ASZ1: variants seen among roughly 807,000 people sequenced by gnomAD.
ASZ1 encodes ankyrin repeat, SAM and basic leucine zipper domain-containing protein 1.
ASZ1 carries 67 observed loss-of-function variants against 61.8 expected under a neutral mutation model. The ratio of observed to expected loss-of-function variants is 1.08; its 90% CI spans 0.89 to 1.33. ASZ1 has a LOEUF of 1.33. Ranked by LOEUF, ASZ1 falls within the 40% of genes most tolerant of loss-of-function variation. ASZ1 has a pLI of 0.00. For missense variants in ASZ1, 577 were observed against 554.5 expected, an observed-to-expected ratio of 1.04 and a Z score of -0.41; for synonymous variants, 193 against 192.7, an observed-to-expected ratio of 1.00 and a Z score of -0.01.
chr7:117,419,682 G>T (rs1483057816), intron 4 of ASZ1, among the ~76,000 whole-genome samples: 1 of 152,142 alleles, frequency 6.6e-6, no homozygotes, highest in Non-Finnish European at 1.5e-5. Context: ...TTTACTGCTT[G>T]TCTTCTATGC....
At chr7:117,419,550 CAA>C (rs903180860) in intron 4 of ASZ1, among the ~76,000 whole-genome samples, 1 of 151,940 alleles carries the variant, frequency 6.6e-6, no homozygotes, top group African/African-American at 2.4e-5. Context: ...AAATGAAACA[CAA>C]AGAGAGATTT....
In ASZ1 at chr7:117,426,921, T is replaced by C. The variant is rs1562864221; in HGVS notation, c.120A>G (p.Leu40=). The change falls in exon 2 of 13, where the codon CTA becomes CTG. Residue 40 remains leucine (L), a synonymous_variant. Transcript: ENST00000284629. The part of the protein sequence containing the change: ...LDRTSQKLKR[L]LPIEEKKEKF... ...TTTCTTTCTTTTCTTCAATGGGTAA[T>C]AGCCTTTTCAATTTCTAGAAAAGTA... The C allele has an allele frequency of 3.1e-6, 5 of 1,595,176 alleles. No homozygotes were observed. Among genetic ancestry groups the C allele is most frequent in the Middle Eastern group, 1.7e-4 (1 of 5,964 alleles).
chr7:117,400,661 G>T (rs1230046717), intron 4 of ASZ1, among the ~76,000 whole-genome samples: 2 of 152,142 alleles, frequency 1.3e-5, no homozygotes. Flanking sequence ...TCTTCTGTCG[G>T]ACTTCTGCCT....
intron 10 of ASZ1, among the ~76,000 whole-genome samples, chr7:117,375,117 T>C (rs962433832): frequency 5.9e-5 from 9 of 152,018 alleles, no homozygotes; most frequent in African/African-American, 2.2e-4. Flanking sequence ...ATTTCAAAAT[T>C]ATCTAGTTGG....
intron 4 of ASZ1, among the ~76,000 whole-genome samples, chr7:117,392,804 T>C (rs1192611906): frequency 6.6e-6 from 1 of 152,134 alleles, no homozygotes; most frequent in Admixed American, 6.5e-5. Context: ...TTACCAGTTC[T>C]ATTTTAATTA....
chr7:117,415,928 T>C (rs1436976260), intron 4 of ASZ1, among the ~76,000 whole-genome samples: 1 of 152,188 alleles, frequency 6.6e-6, no homozygotes, highest in Admixed American at 6.5e-5. Flanking sequence ...CAGTGACTCA[T>C]GCCTGTAATC....
chr7:117,427,435 A>T lies in ASZ1; in HGVS notation c.26T>A (p.Leu9Gln). ...ACTCTCGCCTCCGCCAGCCACTGGC[A>T]GGCCTCGCAGCGCGCTCGCCGCCAT... The part of the protein sequence containing the change: MAASALRG[L>Q]PVAGGGESSE... The change falls in exon 1 of 13, where the codon CTG becomes CAG. Residue 9 changes from leucine (L) to glutamine (Q), a missense_variant. Transcript: ENST00000284629. 1.2e-6 allele frequency: 2 copies of T among 1,614,016 alleles called. No individual in the cohort carries two copies. The highest frequency in any genetic ancestry group is 1.3e-5 in the African/African-American group (1 of 75,064).
chr7:117,385,551 A>G (rs1339177568), intron 5 of ASZ1, 147 bp downstream of exon 5: 2 of 683,652 alleles, frequency 2.9e-6, no homozygotes, highest in Non-Finnish European at 4.9e-6. Flanking sequence ...GTGAGTCACC[A>G]TACCCTTCTA....
At chr7:117,379,136 TATATATA>T (rs1562847616) in intron 10 of ASZ1, among the ~76,000 whole-genome samples, 8 of 88,502 alleles carry the variant, frequency 9.0e-5, no homozygotes, top group African/African-American at 2.2e-4. Context: ...GATAAAATTA[TATATATA>T]TATATATATA....
intron 4 of ASZ1, among the ~76,000 whole-genome samples, chr7:117,407,298 G>T (rs1796802726): frequency 6.6e-6 from 1 of 151,888 alleles, no homozygotes. Flanking sequence ...CATACAAAGG[G>T]GTACACTTCA....
At chr7:117,401,393 TTA>T (rs538836345) in intron 4 of ASZ1, among the ~76,000 whole-genome samples, 4 of 136,082 alleles carry the variant, frequency 2.9e-5, no homozygotes, top group African/African-American at 1.1e-4. Context: ...TTTTTTTTTT[TTA>T]AAAAAAAAGA....
intron 4 of ASZ1, among the ~76,000 whole-genome samples, chr7:117,417,390 A>T (rs1797016170): frequency 6.6e-6 from 1 of 152,190 alleles, no homozygotes. Flanking sequence ...TCATCTGAAG[A>T]TCTGTTTTTC....
intron 3 of ASZ1, among the ~76,000 whole-genome samples, chr7:117,421,049 A>G (rs1449288303): frequency 6.6e-6 from 1 of 152,226 alleles, no homozygotes; most frequent in Non-Finnish European, 1.5e-5. Flanking sequence ...ATTGTGGGAC[A>G]CATAAAAAAC....
chr7:117,418,237 C>T (rs1282188869), intron 4 of ASZ1, among the ~76,000 whole-genome samples: 1 of 152,188 alleles, frequency 6.6e-6, no homozygotes, highest in East Asian at 1.9e-4. Flanking sequence ...ATCAAAATTA[C>T]AACTCATGGA....
At chr7:117,387,144 TAAA>T (rs577384608) in intron 4 of ASZ1, among the ~76,000 whole-genome samples, 4 of 121,792 alleles carry the variant, frequency 3.3e-5, no homozygotes, top group African/African-American at 6.2e-5. Flanking sequence ...TACCTCTACT[TAAA>T]AAAAAAAAAA....
chr7:117,424,251 G>T (rs1376819323), intron 2 of ASZ1, among the ~76,000 whole-genome samples: 1 of 152,166 alleles, frequency 6.6e-6, no homozygotes, highest in Non-Finnish European at 1.5e-5. Flanking sequence ...GTTAAAAGTG[G>T]CTGACTCAAA....
At chr7:117,395,887 T>C (rs1336369695) in intron 4 of ASZ1, among the ~76,000 whole-genome samples, 2 of 152,204 alleles carry the variant, frequency 1.3e-5, no homozygotes, top group Admixed American at 1.3e-4. Context: ...TTGTGATGCA[T>C]GCAGGGATTT....
chr7:117,381,160 C>G, intron 8 of ASZ1, 93 bp from the exon 9 acceptor site: 2 of 1,150,080 alleles, frequency 1.7e-6, no homozygotes, highest in Non-Finnish European at 2.5e-6. Context: ...ACTTGCTTCA[C>G]TCTGAAGCAA....
intron 4 of ASZ1, among the ~76,000 whole-genome samples, chr7:117,401,663 G>C (rs1796684080): frequency 6.6e-6 from 1 of 152,132 alleles, no homozygotes; most frequent in Non-Finnish European, 1.5e-5. Flanking sequence ...ATGTTACATA[G>C]CATTTTTACT....
Sources: gnomAD v4.1 joint callset for allele counts (sites outside exome capture counted in the v4.1 genomes callset) on GRCh38, gnomAD v4.1.1 for gene constraint, MANE v1.5 for transcripts, NCBI Gene and HGNC (gene_info 2026-07-23, HGNC 2026-07-21) for gene names.